Variants in LPP observed in about 807,000 individuals in gnomAD.
LPP encodes the protein LIM domain containing preferred translocation partner in lipoma, also known as lipoma-preferred partner.
Under a neutral mutation model 60.4 loss-of-function variants are expected in LPP, and 38 were observed. That is an observed-to-expected ratio of 0.63 (90% CI 0.49 to 0.83). LPP has a LOEUF of 0.83. LPP is among the 40% of genes least tolerant of loss of function. LPP has a pLI of 0.00. For synonymous variants in LPP, 328 were observed against 290.8 expected (o/e 1.13, Z -1.30); for missense variants, 902 against 783.6 (o/e 1.15, Z -1.80).
At chr3:188,700,849 C>T (rs909609083) in intron 7 of LPP, among the ~76,000 whole-genome samples, 9 of 152,166 alleles carry the variant, frequency 5.9e-5, no homozygotes, top group African/African-American at 2.2e-4. Context: ...TGTGATTTCA[C>T]TCTAAAGATT....
intron 9 of LPP, among the ~76,000 whole-genome samples, chr3:188,783,285 C>G (rs62291352): frequency 0.26 from 39,484 of 151,972 alleles, 6,314 homozygotes; most frequent in East Asian, 0.74. Context: ...TTCACAATAG[C>G]AAAGACATGG....
chr3:188,707,723 C>G (rs1039155544), intron 7 of LPP, among the ~76,000 whole-genome samples: 5 of 152,138 alleles, frequency 3.3e-5, no homozygotes, highest in African/African-American at 9.7e-5. Flanking sequence ...CTTTATGCTG[C>G]TTGACTTTTT....
chr3:188,770,354 T>G (rs1328092684), intron 9 of LPP, among the ~76,000 whole-genome samples: 23 of 143,006 alleles, frequency 1.6e-4, no homozygotes, highest in African/African-American at 6.4e-4. Context: ...ATTTTTTTTT[T>G]TTTTTTTTTT....
At chr3:188,266,803 C>T (rs192492098) in intron 2 of LPP, among the ~76,000 whole-genome samples, 2 of 152,196 alleles carry the variant, frequency 1.3e-5, no homozygotes, top group African/African-American at 2.4e-5. Context: ...TATTTCTTGA[C>T]GCACTTATTT....
chr3:188,563,287 G>T (rs1477583550), intron 6 of LPP, among the ~76,000 whole-genome samples: 1 of 151,780 alleles, frequency 6.6e-6, no homozygotes, highest in Non-Finnish European at 1.5e-5. Flanking sequence ...TATCACAACG[G>T]ATTTCAGCAG....
chr3:188,358,758 A>G (rs1190533762), intron 3 of LPP, among the ~76,000 whole-genome samples: 2 of 152,180 alleles, frequency 1.3e-5, no homozygotes, highest in Non-Finnish European at 2.9e-5. Context: ...GGAAGATGCA[A>G]GCGTTCCAAA....
At chr3:188,241,273 G>A (rs1187063598) in intron 2 of LPP, among the ~76,000 whole-genome samples, 1 of 152,208 alleles carries the variant, frequency 6.6e-6, no homozygotes, top group Non-Finnish European at 1.5e-5. Flanking sequence ...AGTACATGCT[G>A]TACGTTTCTC....
chr3:188,276,669 G>GTC (rs750060555), intron 2 of LPP, among the ~76,000 whole-genome samples: 132 of 100,166 alleles, frequency 1.3e-3, no homozygotes, highest in South Asian at 3.6e-3. Context: ...CTCCAACTCT[G>GTC]TCTCTCTCTC....
intron 2 of LPP, among the ~76,000 whole-genome samples, chr3:188,250,046 G>A (rs1047298748): frequency 1.3e-5 from 2 of 151,846 alleles, no homozygotes; most frequent in African/African-American, 2.4e-5. Flanking sequence ...CTGTACATTT[G>A]ACACTGATTC....
intron 2 of LPP, among the ~76,000 whole-genome samples, chr3:188,258,717 T>C (rs1315575021): frequency 1.3e-5 from 2 of 152,186 alleles, no homozygotes; most frequent in African/African-American, 2.4e-5. Context: ...ATTCTAAGAT[T>C]CGTCTAGAGA....
intron 3 of LPP, among the ~76,000 whole-genome samples, chr3:188,378,091 C>T (rs1032150529): frequency 6.6e-6 from 1 of 152,204 alleles, no homozygotes; most frequent in Admixed American, 6.5e-5. Flanking sequence ...GAGTACCCGG[C>T]CGTGTGAGGT....
intron 2 of LPP, among the ~76,000 whole-genome samples, chr3:188,264,758 A>G (rs1290656811): frequency 6.6e-6 from 1 of 150,430 alleles, no homozygotes; most frequent in Non-Finnish European, 1.5e-5. Flanking sequence ...CGCCACCCCC[A>G]AACACCTTTT....
intron 7 of LPP, among the ~76,000 whole-genome samples, chr3:188,670,485 T>C (rs1856752438): frequency 6.6e-6 from 1 of 150,754 alleles, no homozygotes; most frequent in Non-Finnish European, 1.5e-5. Context: ...CTCAAGCCAA[T>C]AGTTTTTCCA....
chr3:188,417,581 C>A (rs1380463391), intron 4 of LPP, among the ~76,000 whole-genome samples: 1 of 152,070 alleles, frequency 6.6e-6, no homozygotes, highest in Non-Finnish European at 1.5e-5. Flanking sequence ...TATGGGTAGA[C>A]CTAAATGTTC....
chr3:188,253,090 T>A (rs1186807048), intron 2 of LPP, among the ~76,000 whole-genome samples: 14 of 150,942 alleles, frequency 9.3e-5, no homozygotes, highest in African/African-American at 2.0e-4. Flanking sequence ...TTTTTTTTTT[T>A]AAATTGGGTT....
At chr3:188,811,338 A>T (rs1313369096) in intron 9 of LPP, among the ~76,000 whole-genome samples, 1 of 144,266 alleles carries the variant, frequency 6.9e-6, no homozygotes, top group Non-Finnish European at 1.5e-5. Context: ...CGAGAAAATG[A>T]TTAAGTGCTG....
intron 5 of LPP, among the ~76,000 whole-genome samples, chr3:188,516,359 C>T (rs1817362747): frequency 6.6e-6 from 1 of 151,998 alleles, no homozygotes; most frequent in Non-Finnish European, 1.5e-5. Flanking sequence ...CGGCCTGTGT[C>T]CACTGAACAT....
intron 10 of LPP, among the ~76,000 whole-genome samples, chr3:188,866,811 A>G (rs1047494843): frequency 6.6e-6 from 1 of 152,162 alleles, no homozygotes; most frequent in Admixed American, 6.6e-5. Context: ...AGTTTTCTCA[A>G]GAGCTAATCT....
intron 6 of LPP, among the ~76,000 whole-genome samples, chr3:188,546,985 G>A (rs1437319044): frequency 2.0e-5 from 3 of 152,210 alleles, no homozygotes; most frequent in African/African-American, 4.8e-5. Flanking sequence ...AGAAAAAGAT[G>A]TGTAAAGCCA....
Sources: allele counts gnomAD v4.1 joint callset (sites outside exome capture counted in the v4.1 genomes callset), GRCh38; gene constraint gnomAD v4.1.1; transcripts MANE v1.5; gene names NCBI Gene and HGNC (gene_info 2026-07-23, HGNC 2026-07-21).